The following SDF2 variants were observed in gnomAD, a reference collection of about 807,000 sequenced individuals.
SDF2 encodes the protein stromal cell derived factor 2.
A neutral mutation model predicts 20.5 loss-of-function variants in SDF2; 12 were observed. The observed-to-expected ratio is 0.58, with a 90% CI of 0.37 to 0.95. SDF2 has a LOEUF of 0.95. Ranked by LOEUF, SDF2 falls within the 40% of genes least tolerant of loss-of-function variation. The pLI is 0.01. For missense variants in SDF2, 238 were observed against 263.1 expected (o/e 0.90, Z 0.66); for synonymous variants, 100 against 101.0 (o/e 0.99, Z 0.06).
At chr17:28,649,337 AG>A in intron 2 of SDF2, 61 bp from the exon 3 acceptor site, 1 of 1,526,286 alleles carries the variant, frequency 6.6e-7, no homozygotes, top group South Asian at 1.1e-5. Context: ...AAGGGGTGGG[AG>A]GCAATGGGAA....
intron 1 of SDF2, chr17:28,661,357 G>A (rs986283761): frequency 6.5e-5 from 22 of 337,528 alleles, no homozygotes; most frequent in African/African-American, 4.7e-4. Flanking sequence ...CTTTGAACCT[G>A]GATAGATTTG....
rs370468680 is a variant in SDF2 at position 28,654,083 on chromosome 17, G to C, written c.348+1204C>G. On this transcript the variant is annotated intron_variant, in intron 2 of 2. Transcript: ENST00000247020. ...CCCAGCACTTTGGGAGGCTGAGGCA[G>C]GCAGATAGCTTGAGCTCAGGAGTTT... Among the ~76,000 whole-genome samples, 11 of 152,184 alleles carry C rather than the reference G, an allele frequency of 7.2e-5. No homozygotes were observed. In the East Asian group the frequency reaches 1.4e-3, roughly 19 times the overall value.
chr17:28,658,775 G>A (rs533577030), intron 1 of SDF2, among the ~76,000 whole-genome samples: 19 of 150,446 alleles, frequency 1.3e-4, no homozygotes, highest in East Asian at 7.8e-4. Flanking sequence ...CTGTCTCTTC[G>A]GTGCTGTTGG....
chr17:28,653,185 C>T (rs2071929089), intron 2 of SDF2, among the ~76,000 whole-genome samples: 2 of 152,124 alleles, frequency 1.3e-5, no homozygotes, highest in South Asian at 4.2e-4. Flanking sequence ...ACAGGAGAAA[C>T]CTAACGAACA....
chr17:28,662,127 A>G (rs894049884), upstream of SDF2: 2 of 409,904 alleles, frequency 4.9e-6, no homozygotes, highest in Non-Finnish European at 8.9e-6. Context: ...CACGAGACGA[A>G]AGCTTCCGAG....
chr17:28,649,728 C>CT (rs2071897097), intron 2 of SDF2, among the ~76,000 whole-genome samples: 1 of 139,402 alleles, frequency 7.2e-6, no homozygotes, highest in Non-Finnish European at 1.5e-5. Flanking sequence ...GAGCAAAACT[C>CT]TGTCTCAAAA....
intron 1 of SDF2, among the ~76,000 whole-genome samples, chr17:28,659,569 C>G (rs926488750): frequency 6.5e-5 from 7 of 107,768 alleles, no homozygotes; most frequent in African/African-American, 1.4e-4. Flanking sequence ...TCCCAGATGG[C>G]GCGGCCGGGC....
At chr17:28,653,886 T>C (rs575762449) in intron 2 of SDF2, among the ~76,000 whole-genome samples, 1 of 152,328 alleles carries the variant, frequency 6.6e-6, no homozygotes, top group Non-Finnish European at 1.5e-5. Context: ...ACTGTATCAA[T>C]ATTGCTTCAT....
At chr17:28,652,696 T>A (rs919929283) in intron 2 of SDF2, among the ~76,000 whole-genome samples, 1 of 152,196 alleles carries the variant, frequency 6.6e-6, no homozygotes, top group Non-Finnish European at 1.5e-5. Context: ...TTGGTTTTAA[T>A]ATCATTCTCC....
chr17:28,651,293 G>A (rs2071913172), intron 2 of SDF2, among the ~76,000 whole-genome samples: 2 of 152,178 alleles, frequency 1.3e-5, no homozygotes, highest in Non-Finnish European at 2.9e-5. Flanking sequence ...CAAACTCCCA[G>A]CCTCAAGTGA....
rs201039894 is a variant in SDF2, at chr17:28,649,319, G to C, written c.349-43C>G. The stretch of plus-strand genomic sequence containing the variant: ...TAGTAACATCAGCATGGCTGACAAG[G>C]GCTTGAAAAGGGGTGGGAGGCAATG... On this transcript the variant is annotated intron_variant, in intron 2 of 2. Transcript: ENST00000247020. The C allele has an allele frequency of 3.9e-5, 62 of 1,582,072 alleles. 1 individual carries two copies. In the African/African-American group the frequency reaches 7.1e-4, roughly 18 times the overall value.
chr17:28,648,613 C>A lies in SDF2; in HGVS notation c.*376G>T. The A allele has an allele frequency of 4.5e-6, 1 of 224,368 alleles. No individual in the cohort carries two copies. The highest frequency in any genetic ancestry group is 8.9e-6 in the Non-Finnish European group (1 of 112,750). The allele number at this position is 224,368 out of a possible 1,614,324, so 13.9% of individuals were successfully genotyped here. A position where few individuals can be genotyped will look rare whatever the true frequency, so the allele number is the denominator to read the frequency against. ...CTCATAATAAAATTATTGTTTTTAT[C>A]ATTTTGGAGAGAGAAAATAGGGGGA... On this transcript the variant is annotated 3_prime_UTR_variant, in exon 3 of 3. Coordinates refer to ENST00000247020, the MANE Select transcript of SDF2 (RefSeq NM_006923.4).
rs2071886256 is a variant in SDF2 at position 28,648,745 on chromosome 17, C to T, written c.*244G>A. The T allele has an allele frequency of 1.8e-6, 1 of 561,754 alleles. No homozygotes were observed. Among genetic ancestry groups the T allele is most frequent in the Non-Finnish European group, 3.2e-6 (1 of 314,216 alleles). 34.8% of individuals were successfully genotyped at this position (561,754 alleles called of 1,614,324 possible). ...TTGTTTTATCAGTACTAATAAAAAG[C>T]ATCTGCCCCTTTACCAGCAAGTCCT... On this transcript the variant is annotated 3_prime_UTR_variant, in exon 3 of 3. Coordinates refer to ENST00000247020, the MANE Select transcript of SDF2 (RefSeq NM_006923.4).
chr17:28,650,919 C>T (rs2071909881), intron 2 of SDF2, among the ~76,000 whole-genome samples: 1 of 146,296 alleles, frequency 6.8e-6, no homozygotes. Flanking sequence ...GCTAAGACAA[C>T]AGGCATATAC....
chr17:28,656,409 A>G (rs2071963113), intron 1 of SDF2: 3 of 151,944 alleles, frequency 2.0e-5, no homozygotes, highest in Non-Finnish European at 2.9e-5. Flanking sequence ...GCAACATGGC[A>G]AAAACCCATC....
At chr17:28,654,918 T>C (rs1265240930) in intron 2 of SDF2, among the ~76,000 whole-genome samples, 1 of 151,964 alleles carries the variant, frequency 6.6e-6, no homozygotes, top group Non-Finnish European at 1.5e-5. Flanking sequence ...ACCATGCCAT[T>C]GCACTCCAGC....
upstream of SDF2, chr17:28,661,972 A>G: frequency 7.1e-7 from 1 of 1,402,660 alleles, no homozygotes; most frequent in Non-Finnish European, 9.8e-7. Flanking sequence ...AAGGAAGTGA[A>G]GAAGCCCGAG....
At chr17:28,649,417 G>T in intron 2 of SDF2, 141 bp from the exon 3 acceptor site, 1 of 765,128 alleles carries the variant, frequency 1.3e-6, no homozygotes, top group South Asian at 1.8e-5. Flanking sequence ...CTACCACTTT[G>T]GGAAGCTGAG....
At position 28,655,365 on chromosome 17, in the gene SDF2, C is replaced by G. The variant is rs972676207; in HGVS notation, c.270G>C (p.Gln90His). The G allele has an allele frequency of 1.9e-6, 3 of 1,614,142 alleles. No homozygotes were observed. In the African/African-American group the frequency reaches 4.0e-5, roughly 22 times the overall value. The change falls in exon 2 of 3, where the codon CAG becomes CAC. Residue 90 changes from glutamine to histidine, a missense_variant. Gln to His is a conservative substitution (Grantham distance 24). Transcript: ENST00000247020. ...TGTTGACATGTGTCAGCCGGATGGG[C>G]TGGCCACACTTGATGGGGGTTCCCC... Reference protein sequence around the residue: ...CERGTPIKCGQPIRLTHVNTG... With the variant: ...CERGTPIKCGHPIRLTHVNTG...
Sources: gnomAD v4.1 joint callset for allele counts (sites outside exome capture counted in the v4.1 genomes callset) on GRCh38, gnomAD v4.1.1 for gene constraint, MANE v1.5 for transcripts, NCBI Gene and HGNC (gene_info 2026-07-23, HGNC 2026-07-21) for gene names.